The following CDKAL1 variants were observed in gnomAD, a reference collection of about 807,000 sequenced individuals.
CDKAL1 encodes threonylcarbamoyladenosine tRNA methylthiotransferase.
In CDKAL1, 32 loss-of-function variants were observed where a neutral mutation model predicts 68.2. The observed-to-expected ratio is 0.47, with a 90% CI of 0.35 to 0.63. The LOEUF is 0.63. CDKAL1 is among the 30% of genes least tolerant of loss of function. The pLI is 0.00. For synonymous variants in CDKAL1, 234 were observed against 244.3 expected (o/e 0.96, Z 0.39); for missense variants, 606 against 696.7 (o/e 0.87, Z 1.47).
intron 5 of CDKAL1, among the ~76,000 whole-genome samples, chr6:20,663,137 T>C (rs1050352836): frequency 3.9e-5 from 6 of 152,166 alleles, no homozygotes; most frequent in African/African-American, 1.4e-4. Context: ...AGGAGCTTTA[T>C]AGGAAGTCCC....
At chr6:20,957,306 T>C (rs1764827279) in intron 10 of CDKAL1, among the ~76,000 whole-genome samples, 1 of 152,150 alleles carries the variant, frequency 6.6e-6, no homozygotes, top group Non-Finnish European at 1.5e-5. Flanking sequence ...AACCAAATAC[T>C]CCTTGGAATA....
chr6:20,665,742 G>A lies in CDKAL1; in HGVS notation c.371+16365G>A, dbSNP rs144521491. Reference sequence around the variant, plus strand: ...TAAGCAATGTTATAAAGAAACTGTCGAATGAAACAATTTTATTCCAGGAGC... The same window carrying A: ...TAAGCAATGTTATAAAGAAACTGTCAAATGAAACAATTTTATTCCAGGAGC... On this transcript the variant is annotated intron_variant, in intron 5 of 15. Transcript: ENST00000274695. Among the ~76,000 whole-genome samples, 679 of 151,804 alleles carry A rather than the reference G, an allele frequency of 4.5e-3. 5 individuals are homozygous for A. Among genetic ancestry groups the A allele is most frequent in the African/African-American group, 0.013 (552 of 41,412 alleles).
At chr6:21,169,131 G>A (rs879516592) in intron 13 of CDKAL1, among the ~76,000 whole-genome samples, 4 of 152,118 alleles carry the variant, frequency 2.6e-5, no homozygotes, top group Admixed American at 2.0e-4. Flanking sequence ...AACTAAAATG[G>A]TCTACAAGTT....
At chr6:20,770,902 C>T (rs1276365697) in intron 7 of CDKAL1, among the ~76,000 whole-genome samples, 1 of 152,126 alleles carries the variant, frequency 6.6e-6, no homozygotes, top group Non-Finnish European at 1.5e-5. Flanking sequence ...TTCAGTGTCA[C>T]CTCTCCCTGA....
intron 15 of CDKAL1, among the ~76,000 whole-genome samples, chr6:21,226,870 G>A (rs1165928646): frequency 1.3e-5 from 2 of 152,056 alleles, no homozygotes; most frequent in Non-Finnish European, 2.9e-5. Context: ...CCGCCACCAC[G>A]CCTGGCTCAT....
Position 21,108,430 on chromosome 6 carries a change from G to C in CDKAL1, c.1266G>C (p.Arg422=). The C allele has an allele frequency of 6.2e-7, 1 of 1,604,648 alleles. No individual in the cohort carries two copies. The highest frequency in any genetic ancestry group is 8.5e-7 in the Non-Finnish European group (1 of 1,177,140). ...AGCAAAGGACAAAAGATCTTTCTCGGGTGTTTCATTCTTACAGTCCATATG... is the reference window on the plus strand; with the variant it reads ...AGCAAAGGACAAAAGATCTTTCTCGCGTGTTTCATTCTTACAGTCCATATG... ...VKKQRTKDLS[R]VFHSYSPYDH... is the part of the protein sequence containing the mutation. The change falls in exon 13 of 16, where the codon CGG becomes CGC. Residue 422 remains arginine (R), a synonymous_variant. Transcript: ENST00000274695.
chr6:21,000,150 C>T, intron 10 of CDKAL1, 77 bp from the exon 11 acceptor site: 8 of 1,129,410 alleles, frequency 7.1e-6, no homozygotes, highest in Non-Finnish European at 1.0e-5. Context: ...TTTGCTTGCG[C>T]TTGTGGTGTT....
chr6:20,728,026 T>C (rs970463696), intron 5 of CDKAL1, among the ~76,000 whole-genome samples: 1 of 152,246 alleles, frequency 6.6e-6, no homozygotes, highest in Non-Finnish European at 1.5e-5. Flanking sequence ...TTGGGGTACA[T>C]GAGAGCTTTT....
chr6:21,019,933 CT>C lies in CDKAL1; in HGVS notation c.1055+19565del, dbSNP rs1486256938. Among the ~76,000 whole-genome samples, 6 of 151,556 alleles carry C rather than the reference CT, an allele frequency of 4.0e-5. No individual in the cohort carries two copies. In the South Asian group the frequency reaches 6.3e-4, roughly 16 times the overall value. ...TTTTTTTATACAGTGGCCACTGTCT[CT>C]TTTGTGTCTTTGTTATCCAATAAGT... On this transcript the variant is annotated intron_variant, in intron 11 of 15. Coordinates refer to ENST00000274695, the MANE Select transcript of CDKAL1 (RefSeq NM_017774.3).
chr6:21,038,208 G>A (rs1561980622), intron 11 of CDKAL1, among the ~76,000 whole-genome samples: 1 of 152,220 alleles, frequency 6.6e-6, no homozygotes, highest in South Asian at 2.1e-4. Context: ...TTTAAGTAGA[G>A]GCCTGAACAG....
intron 15 of CDKAL1, among the ~76,000 whole-genome samples, chr6:21,219,701 C>T (rs1417568461): frequency 6.6e-6 from 1 of 152,154 alleles, no homozygotes; most frequent in Non-Finnish European, 1.5e-5. Flanking sequence ...GAAAATGATA[C>T]TAAGAACAGG....
In CDKAL1 at chr6:21,197,993, C is replaced by T. The variant is rs754732722; in HGVS notation, c.1300-28C>T. ...TCACAGGTGTTTACCCTTATCTTTC[C>T]TTTCTTTCCCTCCCCTTCTCTCCAC... On this transcript the variant is annotated intron_variant, in intron 13 of 15. Coordinates refer to ENST00000274695, the MANE Select transcript of CDKAL1 (RefSeq NM_017774.3). 3 of 1,470,780 alleles carry T rather than the reference C, an allele frequency of 2.0e-6. No homozygotes were observed. The South Asian group carries it at 3.7e-5, about 18-fold the overall frequency. The allele number at this position is 1,470,780 out of a possible 1,614,324, so 91.1% of individuals were successfully genotyped here.
chr6:20,951,932 C>T (rs9465945), intron 9 of CDKAL1, among the ~76,000 whole-genome samples: 13,999 of 150,338 alleles, frequency 0.093, 702 homozygotes, highest in South Asian at 0.14. Context: ...CTTAGTTCTT[C>T]CTGCTTTTAT....
intron 4 of CDKAL1, among the ~76,000 whole-genome samples, chr6:20,646,786 C>T (rs1768486288): frequency 6.6e-6 from 1 of 152,120 alleles, no homozygotes; most frequent in African/African-American, 2.4e-5. Flanking sequence ...TCTTGTTGCC[C>T]AGGCTGGAGT....
intron 5 of CDKAL1, among the ~76,000 whole-genome samples, chr6:20,692,922 C>A (rs184531390): frequency 6.6e-6 from 1 of 151,432 alleles, no homozygotes. Flanking sequence ...GTGAGGAGAT[C>A]GAGACCATCC....
intron 10 of CDKAL1, among the ~76,000 whole-genome samples, chr6:20,956,155 C>A (rs1255634305): frequency 1.3e-5 from 2 of 152,200 alleles, no homozygotes. Flanking sequence ...AAGGCCCATC[C>A]CTGAATACAT....
intron 5 of CDKAL1, among the ~76,000 whole-genome samples, chr6:20,688,488 A>G (rs950955682): frequency 6.6e-6 from 1 of 150,904 alleles, no homozygotes; most frequent in Non-Finnish European, 1.5e-5. Context: ...TTCTATTGTG[A>G]TATCTTCAAG....
At chr6:20,966,074 T>C (rs1439041886) in intron 10 of CDKAL1, among the ~76,000 whole-genome samples, 2 of 151,672 alleles carry the variant, frequency 1.3e-5, no homozygotes, top group Non-Finnish European at 2.9e-5. Context: ...AATGGAATTT[T>C]CAGGTGATTC....
At chr6:21,072,854 T>C (rs549889359) in intron 12 of CDKAL1, among the ~76,000 whole-genome samples, 18 of 152,282 alleles carry the variant, frequency 1.2e-4, no homozygotes, top group Admixed American at 1.0e-3. Flanking sequence ...CCAAAGTCCA[T>C]AGTTTACATT....
Sources: allele counts gnomAD v4.1 joint callset (sites outside exome capture counted in the v4.1 genomes callset), GRCh38; gene constraint gnomAD v4.1.1; transcripts MANE v1.5; gene names NCBI Gene and HGNC (gene_info 2026-07-23, HGNC 2026-07-21).